The following TBC1D5 variants were observed in gnomAD, a reference collection of about 807,000 sequenced individuals.
The protein encoded by TBC1D5 is TBC1 domain family member 5.
TBC1D5 carries 75 observed loss-of-function variants against 100.3 expected under a neutral mutation model. That is an observed-to-expected ratio of 0.75 (90% CI 0.62 to 0.91). The LOEUF (loss-of-function observed/expected upper bound fraction) is 0.91, where lower values mean the gene tolerates loss of function less well. TBC1D5 is among the 40% of genes least tolerant of loss of function. The pLI is 0.00. For synonymous variants in TBC1D5, 323 were observed against 325.6 expected (o/e 0.99, Z 0.09); for missense variants, 910 against 942.4 (o/e 0.97, Z 0.45).
At chr3:17,540,694 G>A (rs775920563) in intron 2 of TBC1D5, among the ~76,000 whole-genome samples, 22 of 151,926 alleles carry the variant, frequency 1.4e-4, no homozygotes, top group Admixed American at 2.6e-4. Context: ...AGATCACGAG[G>A]TCAAGAGATC....
At chr3:17,372,150 T>C (rs1349408814) in exon 13 of TBC1D5, 1 of 1,613,778 alleles carries the variant, frequency 6.2e-7, no homozygotes, top group African/African-American at 1.3e-5. Flanking sequence ...CTTCAGTAGA[T>C]GATCCTGGAT....
At chr3:17,310,671 C>T (rs570102676) in intron 13 of TBC1D5, among the ~76,000 whole-genome samples, 1 of 151,574 alleles carries the variant, frequency 6.6e-6, no homozygotes, top group African/African-American at 2.4e-5. Flanking sequence ...AGTGGTGGCA[C>T]AAAAATAATC....
chr3:17,325,268 T>TAA (rs35243838), intron 13 of TBC1D5, among the ~76,000 whole-genome samples: 4 of 127,814 alleles, frequency 3.1e-5, no homozygotes, highest in South Asian at 2.5e-4. Context: ...AGTACTCAGT[T>TAA]AAAAAAAAAA....
At chr3:17,356,571 A>G (rs1433592386) in intron 13 of TBC1D5, among the ~76,000 whole-genome samples, 1 of 152,242 alleles carries the variant, frequency 6.6e-6, no homozygotes, top group Non-Finnish European at 1.5e-5. Flanking sequence ...AATAAAATTA[A>G]TGAATTCGGA....
intron 2 of TBC1D5, among the ~76,000 whole-genome samples, chr3:17,613,200 G>A (rs918978487): frequency 3.3e-5 from 5 of 152,066 alleles, no homozygotes; most frequent in African/African-American, 1.2e-4. Context: ...CCACGTCCCT[G>A]CAAAGGACAT....
At chr3:17,224,631 A>T (rs1167440118) in intron 17 of TBC1D5, among the ~76,000 whole-genome samples, 2 of 152,208 alleles carry the variant, frequency 1.3e-5, no homozygotes, top group Non-Finnish European at 2.9e-5. Flanking sequence ...GAAGGTTATT[A>T]TATTTTGTGA....
At chr3:17,666,425 T>G (rs1288985001) in intron 1 of TBC1D5, among the ~76,000 whole-genome samples, 1 of 152,160 alleles carries the variant, frequency 6.6e-6, no homozygotes, top group South Asian at 2.1e-4. Flanking sequence ...ATCTATAAAG[T>G]AACATACTAG....
intron 3 of TBC1D5, among the ~76,000 whole-genome samples, chr3:17,443,483 C>T (rs1365954180): frequency 6.6e-6 from 1 of 152,164 alleles, no homozygotes; most frequent in Admixed American, 6.5e-5. Flanking sequence ...TTTATCAGCC[C>T]ACTTTTGGTT....
rs575664646 is a variant in TBC1D5, at chr3:17,454,108, G to T, written c.98-25589C>A. 3.9e-5 allele frequency among the ~76,000 whole-genome samples: 6 copies of T among 152,206 alleles called. No homozygotes were observed. The East Asian group carries it at 9.7e-4, about 25-fold the overall frequency. On this transcript the variant is annotated intron_variant, in intron 3 of 21. Coordinates refer to ENST00000253692, the Ensembl canonical transcript of TBC1D5. ...AAACGCCTTTAAAAAACTGGAGACAGAAGAACATATCTCAACATAATAAAA... is the reference window on the plus strand; with the variant it reads ...AAACGCCTTTAAAAAACTGGAGACATAAGAACATATCTCAACATAATAAAA...
chr3:17,481,115 C>A (rs1432852815), intron 3 of TBC1D5, among the ~76,000 whole-genome samples: 1 of 152,228 alleles, frequency 6.6e-6, no homozygotes, highest in East Asian at 1.9e-4. Context: ...CGGGTGCCAT[C>A]ATGTTCCCCT....
At chr3:17,396,172 T>G (rs1490469156) in intron 8 of TBC1D5, among the ~76,000 whole-genome samples, 4 of 152,150 alleles carry the variant, frequency 2.6e-5, no homozygotes, top group Non-Finnish European at 4.4e-5. Flanking sequence ...TGCACAAGCA[T>G]GTACTTTGCC....
chr3:17,698,290 G>A (rs1333406065), intron 1 of TBC1D5, among the ~76,000 whole-genome samples: 2 of 152,276 alleles, frequency 1.3e-5, no homozygotes, highest in East Asian at 1.9e-4. Context: ...CAAGCATTGG[G>A]GAAAGGATTC....
exon 11 of TBC1D5, chr3:17,374,670 C>A: frequency 6.2e-7 from 1 of 1,610,362 alleles, no homozygotes; most frequent in Non-Finnish European, 8.5e-7. Context: ...AGACAGTTTT[C>A]ATTTCCTCAC....
rs554851560 is a variant in TBC1D5 at position 17,371,418 on chromosome 3, ATCTT to A, written c.995+653_995+656del. On this transcript the variant is annotated intron_variant, in intron 13 of 21. Coordinates refer to ENST00000253692, the Ensembl canonical transcript of TBC1D5. ...ACTAATTTTTTCAAAGGGGCCTTGCATCTTTCTTTTGCACTGAGCTCTGCAAATT... is the reference window on the plus strand; with the variant it reads ...ACTAATTTTTTCAAAGGGGCCTTGCATCTTTTGCACTGAGCTCTGCAAATT... Among the ~76,000 whole-genome samples the A allele has an allele frequency of 7.2e-5, 11 of 152,324 alleles. No homozygotes were observed. In the East Asian group the frequency reaches 2.1e-3, roughly 29 times the overall value.
At chr3:17,206,743 T>A (rs2125890963) in intron 18 of TBC1D5, among the ~76,000 whole-genome samples, 1 of 152,284 alleles carries the variant, frequency 6.6e-6, no homozygotes, top group South Asian at 2.1e-4. Flanking sequence ...TTTTTTGATT[T>A]CCTGTGGTTT....
exon 22 of TBC1D5, chr3:17,159,802 A>G (rs2124969878): frequency 6.6e-6 from 1 of 152,368 alleles, no homozygotes; most frequent in East Asian, 1.9e-4. Context: ...TGCAGTACCT[A>G]CACTTGACTT....
At chr3:17,235,965 G>A (rs777876985) in intron 17 of TBC1D5, among the ~76,000 whole-genome samples, 5 of 151,838 alleles carry the variant, frequency 3.3e-5, no homozygotes, top group Non-Finnish European at 5.9e-5. Context: ...ATATAGAAGG[G>A]TTGCCAAACA....
intron 2 of TBC1D5, among the ~76,000 whole-genome samples, chr3:17,512,755 G>T (rs1178687789): frequency 2.6e-5 from 4 of 152,112 alleles, no homozygotes; most frequent in Admixed American, 2.6e-4. Context: ...ATTCCAAAAA[G>T]TCGTAACTAA....
intron 1 of TBC1D5, among the ~76,000 whole-genome samples, chr3:17,681,407 ATGTAAC>A (rs1386907843): frequency 6.6e-6 from 1 of 151,648 alleles, no homozygotes; most frequent in East Asian, 1.9e-4. Context: ...AAATTGTGCA[ATGTAAC>A]TATGACTTTA....
Sources: gnomAD v4.1 joint callset for allele counts (sites outside exome capture counted in the v4.1 genomes callset) on GRCh38, gnomAD v4.1.1 for gene constraint, MANE v1.5 for transcripts, NCBI Gene and HGNC (gene_info 2026-07-23, HGNC 2026-07-21) for gene names.